Variants in RBFOX1 observed in about 807,000 individuals in gnomAD.
RBFOX1 encodes the protein RNA binding protein fox-1 homolog 1.
A neutral mutation model predicts 57.7 loss-of-function variants in RBFOX1; 8 were observed. The observed-to-expected ratio is 0.14, with a 90% CI of 0.08 to 0.25. The LOEUF (loss-of-function observed/expected upper bound fraction) is 0.25. Ranked by LOEUF, RBFOX1 falls within the 10% of genes least tolerant of loss-of-function variation. The pLI is 1.00. For synonymous variants in RBFOX1, 326 were observed against 222.4 expected (o/e 1.47, Z -4.15); for missense variants, 611 against 548.5 (o/e 1.11, Z -1.14).
intron 3 of RBFOX1, among the ~76,000 whole-genome samples, chr16:5,724,802 T>G (rs2151543919): frequency 6.6e-6 from 1 of 152,302 alleles, no homozygotes; most frequent in South Asian, 2.1e-4. Flanking sequence ...TTGTTGGATA[T>G]CTACACCAGC....
intron 1 of RBFOX1, among the ~76,000 whole-genome samples, chr16:5,395,641 C>T (rs2066530703): frequency 6.6e-6 from 1 of 152,200 alleles, no homozygotes; most frequent in South Asian, 2.1e-4. Context: ...GTGTGATCCC[C>T]TCCCGTTGCA....
At chr16:5,761,448 A>C (rs2053585339) in intron 3 of RBFOX1, among the ~76,000 whole-genome samples, 2 of 152,188 alleles carry the variant, frequency 1.3e-5, no homozygotes, top group South Asian at 4.1e-4. Context: ...AATACTGGAT[A>C]CTTTATAAAG....
chr16:5,689,883 C>G (rs1226086016), intron 3 of RBFOX1, among the ~76,000 whole-genome samples: 9 of 151,706 alleles, frequency 5.9e-5, no homozygotes, highest in Admixed American at 5.9e-4. Flanking sequence ...AACTGTTTGA[C>G]AGGGGAATGA....
chr16:6,834,190 C>T (rs996785520), intron 3 of RBFOX1, among the ~76,000 whole-genome samples: 2 of 152,104 alleles, frequency 1.3e-5, no homozygotes, highest in African/African-American at 4.8e-5. Flanking sequence ...TGTCCTGCCT[C>T]AGCCTCCCAG....
Position 7,186,945 on chromosome 16 carries a change from A to G in RBFOX1, c.27+134847A>G, listed in dbSNP as rs113583535. 1.7e-3 allele frequency among the ~76,000 whole-genome samples: 247 copies of G among 147,254 alleles called. 1 individual carries two copies. The highest frequency in any genetic ancestry group is 5.9e-3 in the African/African-American group (234 of 39,854). ...AACTGAGGCAGGCAAATTGCTTGAG[A>G]CTGGGAGTTTGAGACCAGCCTGGGC... On this transcript the variant is annotated intron_variant, in intron 4 of 15. Transcript: ENST00000550418.
chr16:7,572,755 C>T (rs554327977), intron 5 of RBFOX1, among the ~76,000 whole-genome samples: 7 of 152,152 alleles, frequency 4.6e-5, no homozygotes, highest in African/African-American at 7.2e-5. Flanking sequence ...AGGAGAATGG[C>T]GTGAACCCAG....
intron 3 of RBFOX1, among the ~76,000 whole-genome samples, chr16:5,784,117 C>T (rs915089097): frequency 9.2e-5 from 14 of 152,268 alleles, no homozygotes; most frequent in African/African-American, 2.9e-4. Flanking sequence ...ACACTCACGG[C>T]AGAAGGTGAA....
At chr16:5,753,839 G>A (rs550052048) in intron 3 of RBFOX1, among the ~76,000 whole-genome samples, 1 of 151,742 alleles carries the variant, frequency 6.6e-6, no homozygotes, top group South Asian at 2.1e-4. Context: ...GCTGTGTTGA[G>A]GATATAGAGT....
chr16:5,336,796 A>T (rs2151286607), intron 1 of RBFOX1, among the ~76,000 whole-genome samples: 1 of 152,274 alleles, frequency 6.6e-6, no homozygotes, highest in Non-Finnish European at 1.5e-5. Context: ...CTTTGCCTTC[A>T]GCTCACAACT....
intron 3 of RBFOX1, among the ~76,000 whole-genome samples, chr16:6,999,212 A>ATTTTTTT (rs1254312494): frequency 4.4e-4 from 52 of 117,670 alleles, no homozygotes; most frequent in East Asian, 1.3e-3. Context: ...TTTTATTTTT[A>ATTTTTTT]TTTATTTTTT....
chr16:7,620,797 C>G (rs1262441466), intron 10 of RBFOX1, among the ~76,000 whole-genome samples: 1 of 152,166 alleles, frequency 6.6e-6, no homozygotes, highest in Non-Finnish European at 1.5e-5. Context: ...TGGAGTCACA[C>G]AAAACTGACT....
intron 1 of RBFOX1, among the ~76,000 whole-genome samples, chr16:5,306,169 C>G (rs1395734823): frequency 6.6e-6 from 1 of 152,134 alleles, no homozygotes. Flanking sequence ...CCATTGCACT[C>G]CAGCCTGGGC....
intron 2 of RBFOX1, among the ~76,000 whole-genome samples, chr16:6,420,964 T>C (rs1392553999): frequency 1.3e-5 from 2 of 152,210 alleles, no homozygotes; most frequent in African/African-American, 4.8e-5. Context: ...GGGCTCTTTC[T>C]TCCAATGGCC....
chr16:6,217,060 C>T (rs1490593197), intron 1 of RBFOX1, among the ~76,000 whole-genome samples: 1 of 152,056 alleles, frequency 6.6e-6, no homozygotes, highest in Admixed American at 6.6e-5. Context: ...GACATATCCG[C>T]ATCTTAACAC....
At chr16:6,448,160 T>TTTTC (rs1436320737) in intron 2 of RBFOX1, among the ~76,000 whole-genome samples, 1 of 127,878 alleles carries the variant, frequency 7.8e-6, no homozygotes, top group Admixed American at 7.8e-5. Context: ...TTCTTTCTTT[T>TTTTC]TTTTTTTTTT....
intron 3 of RBFOX1, among the ~76,000 whole-genome samples, chr16:5,746,415 A>G (rs79863453): frequency 0.037 from 5,595 of 152,242 alleles, 355 homozygotes; most frequent in African/African-American, 0.13. Context: ...TTGTCTTGGC[A>G]ATGCGGGCTC....
At chr16:7,021,450 TATTA>T (rs935450691) in intron 3 of RBFOX1, among the ~76,000 whole-genome samples, 45 of 146,246 alleles carry the variant, frequency 3.1e-4, no homozygotes, top group African/African-American at 8.4e-4. Context: ...TATATATCAG[TATTA>T]ATTTTTAATA....
chr16:7,073,687 A>T (rs1598745870), intron 4 of RBFOX1, among the ~76,000 whole-genome samples: 1 of 151,794 alleles, frequency 6.6e-6, no homozygotes, highest in African/African-American at 2.4e-5. Context: ...CTACAAAATA[A>T]TAAAAAAAAA....
intron 4 of RBFOX1, among the ~76,000 whole-genome samples, chr16:7,171,629 A>G (rs1461265904): frequency 6.6e-6 from 1 of 152,186 alleles, no homozygotes; most frequent in African/African-American, 2.4e-5. Context: ...ATGACATGGA[A>G]GGGGCCATTT....
Sources: gnomAD v4.1 joint callset for allele counts (sites outside exome capture counted in the v4.1 genomes callset) on GRCh38, gnomAD v4.1.1 for gene constraint, MANE v1.5 for transcripts, NCBI Gene and HGNC (gene_info 2026-07-23, HGNC 2026-07-21) for gene names.